The following RETREG1 variants were observed in gnomAD, a reference collection of about 807,000 sequenced individuals.
The protein encoded by RETREG1 is reticulophagy regulator 1.
Under a neutral mutation model 54.8 loss-of-function variants are expected in RETREG1, and 44 were observed. That is an observed-to-expected ratio of 0.80 (90% CI 0.63 to 1.03). RETREG1 has a LOEUF of 1.03. Among genes scored for constraint, RETREG1 ranks in the 50% least tolerant of loss-of-function variants. The pLI, the probability that RETREG1 is intolerant of heterozygous loss-of-function variation, is 0.00. For synonymous variants in RETREG1, 217 were observed against 238.5 expected (o/e 0.91, Z 0.83); for missense variants, 554 against 605.1 (o/e 0.92, Z 0.89).
intron 3 of RETREG1, among the ~76,000 whole-genome samples, chr5:16,553,967 G>C (rs560979271): frequency 6.6e-6 from 1 of 152,238 alleles, no homozygotes; most frequent in South Asian, 2.1e-4. Flanking sequence ...CGGACCATGA[G>C]GATAAGATTT....
chr5:16,520,201 C>T (rs116484256), intron 3 of RETREG1, among the ~76,000 whole-genome samples: 2,578 of 152,188 alleles, frequency 0.017, 33 homozygotes, highest in Middle Eastern at 0.051. Context: ...GAAACACGGG[C>T]GAAGAGTCAG....
intron 3 of RETREG1, among the ~76,000 whole-genome samples, chr5:16,528,258 A>G (rs781188182): frequency 6.6e-6 from 1 of 152,206 alleles, no homozygotes; most frequent in Non-Finnish European, 1.5e-5. Context: ...AAATTAACAT[A>G]TTATGTAAAT....
At chr5:16,565,680 T>G (rs1490633656) in intron 3 of RETREG1, 83 bp downstream of exon 3, 1 of 1,428,866 alleles carries the variant, frequency 7.0e-7, no homozygotes, top group Non-Finnish European at 9.9e-7. Flanking sequence ...ACTAAAATTC[T>G]ATTTCAGAGC....
intron 1 of RETREG1, among the ~76,000 whole-genome samples, chr5:16,611,711 T>C (rs1393769974): frequency 6.6e-6 from 1 of 152,182 alleles, no homozygotes; most frequent in African/African-American, 2.4e-5. Flanking sequence ...ATCATCAAAG[T>C]GGTACACTAC....
At chr5:16,586,138 A>G (rs1579709317) in intron 1 of RETREG1, among the ~76,000 whole-genome samples, 1 of 152,242 alleles carries the variant, frequency 6.6e-6, no homozygotes, top group East Asian at 1.9e-4. Context: ...GAGGGAAGAA[A>G]GAAAGAAACG....
intron 1 of RETREG1, among the ~76,000 whole-genome samples, chr5:16,613,271 G>A (rs1743400390): frequency 6.6e-6 from 1 of 151,998 alleles, no homozygotes; most frequent in Admixed American, 6.6e-5. Flanking sequence ...GAAATATTAG[G>A]TACACCTTCA....
chr5:16,497,645 T>A (rs1739517941), intron 3 of RETREG1, among the ~76,000 whole-genome samples: 1 of 152,132 alleles, frequency 6.6e-6, no homozygotes, highest in African/African-American at 2.4e-5. Flanking sequence ...TCTTTGAAAG[T>A]TTATCTAAAT....
intron 3 of RETREG1, among the ~76,000 whole-genome samples, chr5:16,525,772 G>GACA (rs33995259): frequency 3.3e-5 from 5 of 151,286 alleles, no homozygotes; most frequent in Non-Finnish European, 5.9e-5. Flanking sequence ...ACACAGAGAG[G>GACA]GAGAGAGAGA....
chr5:16,596,462 G>T (rs1395846247), intron 1 of RETREG1, among the ~76,000 whole-genome samples: 1 of 152,236 alleles, frequency 6.6e-6, no homozygotes, highest in East Asian at 1.9e-4. Context: ...CACCCATGTA[G>T]CATTAAGCAT....
chr5:16,552,507 C>T (rs1213445675), intron 3 of RETREG1, among the ~76,000 whole-genome samples: 1 of 152,156 alleles, frequency 6.6e-6, no homozygotes, highest in Admixed American at 6.5e-5. Context: ...ACTCAAAGTA[C>T]CATTTAGTTC....
rs1742835581 is a variant in RETREG1, at chr5:16,593,831, C to T, written c.321-21729G>A. Among the ~76,000 whole-genome samples, 1 of 152,228 alleles carries T rather than the reference C, an allele frequency of 6.6e-6. No individual in the cohort carries two copies. The highest frequency in any genetic ancestry group is 6.5e-5 in the Admixed American group (1 of 15,276). ...GCTCTGCTGACTCATGTGTCCCTAT[C>T]ACCAGAGGAGCTGCAGCAGATGCAC... On this transcript the variant is annotated intron_variant, in intron 1 of 8. Coordinates refer to ENST00000306320, the MANE Select transcript of RETREG1 (RefSeq NM_001034850.3). This position sits in a 1 kb window ranked among gnomAD's most constrained non-coding sequence, Gnocchi z 4.9.
In RETREG1 at chr5:16,474,449, GTTTT is replaced by G. The variant is rs1227233711; in HGVS notation, c.*288_*291del. 1 of 309,204 alleles carries G rather than the reference GTTTT, an allele frequency of 3.2e-6. No individual in the cohort carries two copies. Among genetic ancestry groups the G allele is most frequent in the Non-Finnish European group, 6.0e-6 (1 of 167,872 alleles). 19.2% of individuals were successfully genotyped at this position (309,204 alleles called of 1,614,324 possible). A position where few individuals can be genotyped will look rare whatever the true frequency, so the allele number is the denominator to read the frequency against. ...GGAGGATTTTAATAGTTTGGTTTTT[GTTTT>G]TTTCTTTTTGCTTTAAAAACAACCC... On this transcript the variant is annotated 3_prime_UTR_variant, in exon 9 of 9. Coordinates refer to ENST00000306320, the MANE Select transcript of RETREG1 (RefSeq NM_001034850.3).
At chr5:16,589,850 C>T (rs768471411) in intron 1 of RETREG1, among the ~76,000 whole-genome samples, 2 of 152,216 alleles carry the variant, frequency 1.3e-5, no homozygotes, top group Admixed American at 6.5e-5. Flanking sequence ...GGCCCTGAAG[C>T]CAATGGCCAC....
rs148680967 is a variant in RETREG1, at chr5:16,484,086, T to C, written c.459-614A>G. 2.6e-3 allele frequency among the ~76,000 whole-genome samples: 393 copies of C among 152,158 alleles called. 2 individuals are homozygous for C. Among genetic ancestry groups the C allele is most frequent in the African/African-American group, 9.2e-3 (382 of 41,518 alleles). On this transcript the variant is annotated intron_variant, in intron 3 of 8. Coordinates refer to ENST00000306320, the MANE Select transcript of RETREG1 (RefSeq NM_001034850.3). Reference sequence around the variant, plus strand: ...CATGGTTGGAAAACTCTATAGAAAATTGTTAAAAAGATCTTACAATATCCT... The same window carrying C: ...CATGGTTGGAAAACTCTATAGAAAACTGTTAAAAAGATCTTACAATATCCT...
chr5:16,530,440 G>T (rs1176529503), intron 3 of RETREG1, among the ~76,000 whole-genome samples: 2 of 152,198 alleles, frequency 1.3e-5, no homozygotes, highest in African/African-American at 4.8e-5. Flanking sequence ...ATATTATATA[G>T]TGGTTGTGGA....
chr5:16,604,100 A>T (rs1027776402), intron 1 of RETREG1, among the ~76,000 whole-genome samples: 1 of 152,238 alleles, frequency 6.6e-6, no homozygotes, highest in Non-Finnish European at 1.5e-5. Context: ...AAGCTCTATG[A>T]GTGAAAGCTG....
chr5:16,475,212 T>A lies in RETREG1; in HGVS notation c.1023A>T (p.Glu341Asp). The A allele has an allele frequency of 6.2e-7, 1 of 1,613,190 alleles. No homozygotes were observed. Among genetic ancestry groups the A allele is most frequent in the Non-Finnish European group, 8.5e-7 (1 of 1,179,828 alleles). Residue 341 changes from glutamate to aspartate, a missense_variant, in exon 9 of 9, where the codon GAA (glutamate) becomes GAT (aspartate). This residue lies in a region of RETREG1 where 347 missense variants were observed against 412.3 expected (regional missense o/e 0.84). Coordinates refer to ENST00000306320, the MANE Select transcript of RETREG1 (RefSeq NM_001034850.3). The part of the protein sequence containing the change: ...TSDDLDRPSE[E>D]VFSRDLSDFP... The stretch of plus-strand genomic sequence containing the variant: ...AATCTGAAAGATCTCTAGAGAAAAC[T>A]TCCTCACTGGGTCGGTCAAGATCTG...
At chr5:16,590,943 G>A (rs548414830) in intron 1 of RETREG1, among the ~76,000 whole-genome samples, 2 of 150,242 alleles carry the variant, frequency 1.3e-5, no homozygotes, top group African/African-American at 2.5e-5. Context: ...ACCCACACAC[G>A]CACATGCAAA....
intron 1 of RETREG1, among the ~76,000 whole-genome samples, chr5:16,600,237 G>A (rs1342028593): frequency 6.6e-6 from 1 of 152,182 alleles, no homozygotes; most frequent in African/African-American, 2.4e-5. Flanking sequence ...CTGACCTCAG[G>A]TGATCCACCC....
Sources: gnomAD v4.1 joint callset for allele counts (sites outside exome capture counted in the v4.1 genomes callset) on GRCh38, gnomAD v4.1.1 for gene constraint, gnomAD v4.1.1 regional missense constraint, Gnocchi (gnomAD v3.1) non-coding constraint, MANE v1.5 for transcripts, NCBI Gene and HGNC (gene_info 2026-07-23, HGNC 2026-07-21) for gene names.